The following ADGRL4 variants were observed in gnomAD, a reference collection of about 807,000 sequenced individuals.
ADGRL4 encodes the protein adhesion G protein-coupled receptor L4, also known as EGF, latrophilin and seven transmembrane domain containing 1.
ADGRL4 carries 90 observed loss-of-function variants against 74.8 expected under a neutral mutation model. The ratio of observed to expected loss-of-function variants is 1.20; its 90% confidence interval spans 1.02 to 1.43. The LOEUF (loss-of-function observed/expected upper bound fraction) is 1.43, where lower values mean the gene tolerates loss of function less well. Ranked by LOEUF, ADGRL4 falls within the 40% of genes most tolerant of loss-of-function variation. The pLI, the probability that ADGRL4 is intolerant of heterozygous loss-of-function variation, is 0.00. For missense variants in ADGRL4, 881 were observed against 814.3 expected, an observed-to-expected ratio of 1.08 and a Z score of -1.00; for synonymous variants, 311 against 279.2, an observed-to-expected ratio of 1.11 and a Z score of -1.14.
intron 7 of ADGRL4, among the ~76,000 whole-genome samples, chr1:78,933,463 A>G (rs1467161644): frequency 2.0e-5 from 3 of 151,496 alleles, no homozygotes; most frequent in African/African-American, 7.4e-5. Context: ...ACAAACCCAC[A>G]GCCAATATCA....
intron 12 of ADGRL4, among the ~76,000 whole-genome samples, chr1:78,904,474 A>G (rs1648589123): frequency 6.6e-6 from 1 of 152,030 alleles, no homozygotes; most frequent in Non-Finnish European, 1.5e-5. Flanking sequence ...TTTACAATAT[A>G]CTTTATATAC....
At chr1:78,913,749 C>A (rs1319400066) in intron 12 of ADGRL4, among the ~76,000 whole-genome samples, 1 of 151,716 alleles carries the variant, frequency 6.6e-6, no homozygotes, top group Admixed American at 6.6e-5. Flanking sequence ...TGTAAAAAAC[C>A]TGCACATGTA....
chr1:78,944,989 A>T (rs1364918006), intron 3 of ADGRL4, among the ~76,000 whole-genome samples: 1 of 151,728 alleles, frequency 6.6e-6, no homozygotes, highest in Non-Finnish European at 1.5e-5. Flanking sequence ...ACACGGTAAA[A>T]CCCTGCCTCT....
chr1:78,980,463 A>C (rs1650376177), intron 2 of ADGRL4, among the ~76,000 whole-genome samples: 1 of 151,964 alleles, frequency 6.6e-6, no homozygotes, highest in South Asian at 2.1e-4. Flanking sequence ...CTATAAATAG[A>C]ATCCACTTGA....
intron 7 of ADGRL4, among the ~76,000 whole-genome samples, chr1:78,932,874 GA>G (rs1649276081): frequency 6.6e-6 from 1 of 151,364 alleles, no homozygotes; most frequent in South Asian, 2.1e-4. Flanking sequence ...ACTAAACCAA[GA>G]AAAAGTCGAA....
intron 2 of ADGRL4, among the ~76,000 whole-genome samples, chr1:78,991,462 CACTT>C (rs2100734690): frequency 6.6e-6 from 1 of 152,070 alleles, no homozygotes; most frequent in South Asian, 2.1e-4. Flanking sequence ...AATAAACTAA[CACTT>C]AAGGTATGGA....
intron 12 of ADGRL4, among the ~76,000 whole-genome samples, chr1:78,903,552 T>G (rs1648561507): frequency 6.6e-6 from 1 of 152,182 alleles, no homozygotes; most frequent in South Asian, 2.1e-4. Flanking sequence ...TCCACAGTTT[T>G]CAGTCATATT....
Position 78,916,153 on chromosome 1 carries a change from C to T in ADGRL4, c.1749+1481G>A, listed in dbSNP as rs1046934582. ...TCTCTGTATCTTACCATAAAATAATCCAAATTAGCCTTACACAAGCAACTG... is the reference window on the plus strand; with the variant it reads ...TCTCTGTATCTTACCATAAAATAATTCAAATTAGCCTTACACAAGCAACTG... On this transcript the variant is annotated intron_variant, in intron 12 of 14. Transcript: ENST00000370742. Among the ~76,000 whole-genome samples, 3 of 151,854 alleles carry T rather than the reference C, an allele frequency of 2.0e-5. No homozygotes were observed. In the South Asian group the frequency reaches 6.2e-4, roughly 31 times the overall value.
At chr1:78,898,487 T>C (rs962206866) in intron 12 of ADGRL4, among the ~76,000 whole-genome samples, 1 of 151,898 alleles carries the variant, frequency 6.6e-6, no homozygotes. Context: ...TAAATGAATA[T>C]TCCTTCATTA....
chr1:78,983,158 T>A (rs1387093247), intron 2 of ADGRL4, among the ~76,000 whole-genome samples: 4 of 151,640 alleles, frequency 2.6e-5, no homozygotes, highest in Non-Finnish European at 5.9e-5. Flanking sequence ...TATAGAAAGG[T>A]CCTGTGCACT....
chr1:78,986,024 G>T (rs751166934), intron 2 of ADGRL4, among the ~76,000 whole-genome samples: 1 of 151,680 alleles, frequency 6.6e-6, no homozygotes, highest in African/African-American at 2.4e-5. Context: ...CCTACTCGGG[G>T]GTGGAAGAAG....
intron 6 of ADGRL4, 47 bp from the exon 7 acceptor site, chr1:78,936,458 A>C: frequency 7.0e-7 from 1 of 1,432,038 alleles, no homozygotes; most frequent in Middle Eastern, 2.1e-4. Flanking sequence ...ACTTTAATCA[A>C]TATACATCAT....
chr1:79,005,292 T>C, intron 1 of ADGRL4, 73 bp from the exon 2 acceptor site: 1 of 1,159,882 alleles, frequency 8.6e-7, no homozygotes, highest in African/African-American at 1.6e-5. Flanking sequence ...AATTAGAGTA[T>C]AATAAACATA....
chr1:78,946,007 C>G (rs1222705880), intron 3 of ADGRL4, among the ~76,000 whole-genome samples: 1 of 152,026 alleles, frequency 6.6e-6, no homozygotes, highest in East Asian at 1.9e-4. Context: ...CTCATGACTC[C>G]ATGAACATTT....
chr1:78,926,375 A>G (rs554836207), intron 8 of ADGRL4, among the ~76,000 whole-genome samples: 1 of 151,962 alleles, frequency 6.6e-6, no homozygotes, highest in East Asian at 1.9e-4. Flanking sequence ...TTAATTATGT[A>G]TGAGTCTGAA....
At chr1:78,916,877 C>G (rs1212102669) in intron 12 of ADGRL4, among the ~76,000 whole-genome samples, 5 of 151,830 alleles carry the variant, frequency 3.3e-5, no homozygotes, top group Non-Finnish European at 7.4e-5. Flanking sequence ...CTATTATATT[C>G]AGAAAGACTG....
Position 78,962,546 on chromosome 1 carries a change from C to A in ADGRL4, c.173-16120G>T, listed in dbSNP as rs569803335. Among the ~76,000 whole-genome samples, 8 of 152,110 alleles carry A rather than the reference C, an allele frequency of 5.3e-5. 1 individual carries two copies. Among genetic ancestry groups the A allele is most frequent in the Non-Finnish European group, 1.0e-4 (7 of 68,018 alleles). Reference sequence around the variant, plus strand: ...AAGACACATTTCCTTGCCTCTCTCCCCTGTCTCCCCCATCCAAGCTGAAAC... The same window carrying A: ...AAGACACATTTCCTTGCCTCTCTCCACTGTCTCCCCCATCCAAGCTGAAAC... On this transcript the variant is annotated intron_variant, in intron 2 of 14. Coordinates refer to ENST00000370742, the MANE Select transcript of ADGRL4 (RefSeq NM_022159.4).
chr1:78,934,310 T>C (rs776130148), intron 7 of ADGRL4, among the ~76,000 whole-genome samples: 24 of 152,066 alleles, frequency 1.6e-4, no homozygotes, highest in Non-Finnish European at 2.8e-4. Context: ...GGAAAGGATC[T>C]CTTATTCAAT....
At chr1:78,968,511 T>TG (rs1355381990) in intron 2 of ADGRL4, among the ~76,000 whole-genome samples, 7 of 27,742 alleles carry the variant, frequency 2.5e-4, no homozygotes, top group African/African-American at 4.2e-4. Context: ...GGTGGGGGGG[T>TG]GGGGGGGAGA....
Sources: gnomAD v4.1 joint callset for allele counts (sites outside exome capture counted in the v4.1 genomes callset) on GRCh38, gnomAD v4.1.1 for gene constraint, MANE v1.5 for transcripts, NCBI Gene and HGNC (gene_info 2026-07-23, HGNC 2026-07-21) for gene names.